CASK: variants seen among roughly 807,000 people sequenced by gnomAD.
The protein encoded by CASK is calcium/calmodulin dependent serine protein kinase.
Under a neutral mutation model 82.9 loss-of-function variants are expected in CASK, and 4 were observed. That is an observed-to-expected ratio of 0.05 (90% CI 0.02 to 0.11). The LOEUF is 0.11. Among genes scored for constraint, CASK ranks in the 10% least tolerant of loss-of-function variants. CASK has a pLI of 1.00. For missense variants in CASK, 358 were observed against 720.9 expected, an observed-to-expected ratio of 0.50 and a Z score of 5.76; for synonymous variants, 259 against 253.5, an observed-to-expected ratio of 1.02 and a Z score of -0.20.
At chrX:41,774,709 A>G (rs1203333811) in intron 3 of CASK, among the ~76,000 whole-genome samples, 6 of 109,854 alleles carry the variant, frequency 5.5e-5, no homozygotes, top group African/African-American at 2.0e-4. Context: ...GGAACAGAAC[A>G]GAGCCCTCAG....
At chrX:41,898,879 T>C (rs2072318302) in intron 1 of CASK, among the ~76,000 whole-genome samples, 1 of 112,065 alleles carries the variant, frequency 8.9e-6, no homozygotes, top group Non-Finnish European at 1.9e-5. Context: ...CCATGCACAC[T>C]TGAAAAGAAC....
chrX:41,685,396 C>T (rs904547585), intron 5 of CASK, among the ~76,000 whole-genome samples: 1 of 112,345 alleles, frequency 8.9e-6, no homozygotes, highest in African/African-American at 3.2e-5. Context: ...AAAATATGTA[C>T]AAATATTCAA....
intron 1 of CASK, among the ~76,000 whole-genome samples, chrX:41,891,187 G>A (rs1280147451): frequency 9.1e-6 from 1 of 110,133 alleles, no homozygotes; most frequent in African/African-American, 3.3e-5. Flanking sequence ...ACTGCATCCG[G>A]CCTATAATTC....
At chrX:41,777,352 C>A (rs752559112) in intron 3 of CASK, among the ~76,000 whole-genome samples, 1 of 110,006 alleles carries the variant, frequency 9.1e-6, no homozygotes, top group East Asian at 2.8e-4. Flanking sequence ...ATCAGCCGGG[C>A]GTGGTGGTGC....
chrX:41,640,758 T>TGTTTA (rs1421782316), intron 8 of CASK, among the ~76,000 whole-genome samples: 1 of 111,518 alleles, frequency 9.0e-6, no homozygotes, highest in African/African-American at 3.3e-5. Context: ...TCTTTACATA[T>TGTTTA]TGCAAATATG....
intron 12 of CASK, among the ~76,000 whole-genome samples, chrX:41,606,008 T>G (rs1259885163): frequency 8.9e-6 from 1 of 111,911 alleles, no homozygotes; most frequent in Non-Finnish European, 1.9e-5. Context: ...CAGCTGCTCC[T>G]CAAGAGTTCG....
chrX:41,649,944 G>A (rs1181898304), intron 8 of CASK, among the ~76,000 whole-genome samples: 1 of 111,423 alleles, frequency 9.0e-6, no homozygotes, highest in Non-Finnish European at 1.9e-5. Flanking sequence ...CCTGTATTGG[G>A]TGCATATATA....
At chrX:41,701,013 T>C (rs781734521) in intron 5 of CASK, among the ~76,000 whole-genome samples, 2 of 108,553 alleles carry the variant, frequency 1.8e-5, no homozygotes, top group East Asian at 2.9e-4. Context: ...AGTGTGTTTT[T>C]GCAAAGCTCA....
chrX:41,764,659 C>G (rs972176197), intron 3 of CASK, among the ~76,000 whole-genome samples: 1 of 111,635 alleles, frequency 9.0e-6, no homozygotes, highest in Non-Finnish European at 1.9e-5. Context: ...AAACCCTATC[C>G]TTTCTAATTC....
At chrX:41,679,340 A>T (rs1477696419) in intron 5 of CASK, among the ~76,000 whole-genome samples, 1 of 111,327 alleles carries the variant, frequency 9.0e-6, no homozygotes, top group East Asian at 2.8e-4. Context: ...TGTTTTGCCT[A>T]TATTAGAACT....
Position 41,814,580 on chromosome X carries a change from G to A in CASK, c.173-27297C>T, listed in dbSNP as rs188680838. ...CACAGGGTGGGGAACATCACACACC[G>A]GGGCCTGTCGTTGGGTGGAGGGAGG... On this transcript the variant is annotated intron_variant, in intron 2 of 26. Coordinates refer to ENST00000378163, the MANE Select transcript of CASK (RefSeq NM_001367721.1). 2.3e-4 allele frequency among the ~76,000 whole-genome samples: 23 copies of A among 98,448 alleles called. No individual in the cohort carries two copies. In the East Asian group the frequency reaches 3.9e-3, roughly 17 times the overall value. 85.5% of individuals were successfully genotyped at this position (98,448 alleles called of 115,157 possible).
chrX:41,912,209 A>G (rs1344685543), intron 1 of CASK, among the ~76,000 whole-genome samples: 3 of 110,325 alleles, frequency 2.7e-5, no homozygotes, highest in East Asian at 5.6e-4. Context: ...GACATTTTTA[A>G]AAGAATTTTT....
intron 5 of CASK, among the ~76,000 whole-genome samples, chrX:41,680,483 AAATAAT>A (rs1230657988): frequency 1.8e-5 from 2 of 109,890 alleles, no homozygotes; most frequent in Admixed American, 9.8e-5. Flanking sequence ...TCTGTCTCAA[AAATAAT>A]AATAATAAAA....
intron 1 of CASK, among the ~76,000 whole-genome samples, chrX:41,922,258 G>C (rs1006050274): frequency 9.0e-6 from 1 of 111,581 alleles, no homozygotes; most frequent in Non-Finnish European, 1.9e-5. Context: ...AGACCAGCCC[G>C]GTGACTCAAA....
chrX:41,811,689 A>C (rs2070290676), intron 2 of CASK, among the ~76,000 whole-genome samples: 1 of 111,989 alleles, frequency 8.9e-6, no homozygotes, highest in Non-Finnish European at 1.9e-5. Context: ...CTAGAGAAGT[A>C]AGAGCAAACA....
chrX:41,647,884 C>G (rs1044354569), intron 8 of CASK, among the ~76,000 whole-genome samples: 6 of 111,714 alleles, frequency 5.4e-5, no homozygotes, highest in African/African-American at 9.8e-5. Flanking sequence ...GGCTATGTCA[C>G]CTTAGGACCC....
At chrX:41,638,264 T>C (rs931229904) in intron 8 of CASK, among the ~76,000 whole-genome samples, 9 of 111,258 alleles carry the variant, frequency 8.1e-5, no homozygotes, top group African/African-American at 2.6e-4. Flanking sequence ...GGTACCTTGA[T>C]ATTTAAAATA....
chrX:41,681,097 T>C (rs766049952), intron 5 of CASK, among the ~76,000 whole-genome samples: 6 of 111,740 alleles, frequency 5.4e-5, no homozygotes, highest in African/African-American at 1.9e-4. Context: ...AAAGTTTTTT[T>C]TGGAGATTCG....
chrX:41,643,524 T>C (rs2066698589), intron 8 of CASK, among the ~76,000 whole-genome samples: 1 of 111,732 alleles, frequency 8.9e-6, no homozygotes, highest in Non-Finnish European at 1.9e-5. Flanking sequence ...TATTTTATTC[T>C]CTTTGAAGCA....
Sources: gnomAD v4.1 joint callset for allele counts (sites outside exome capture counted in the v4.1 genomes callset) on GRCh38, gnomAD v4.1.1 for gene constraint, MANE v1.5 for transcripts, NCBI Gene and HGNC (gene_info 2026-07-23, HGNC 2026-07-21) for gene names.